The following GALNTL6 variants were observed in gnomAD, a reference collection of about 807,000 sequenced individuals.
GALNTL6 encodes the protein polypeptide N-acetylgalactosaminyltransferase like 6, also known as polypeptide N-acetylgalactosaminyltransferase-like 6.
A neutral mutation model predicts 73.7 loss-of-function variants in GALNTL6; 46 were observed. The ratio of observed to expected loss-of-function variants is 0.62; its 90% CI spans 0.49 to 0.80. The LOEUF is 0.80. Ranked by LOEUF, GALNTL6 falls within the 30% of genes least tolerant of loss-of-function variation. GALNTL6 has a pLI of 0.00. For missense variants in GALNTL6, 604 were observed against 755.0 expected (o/e 0.80, Z 2.34); for synonymous variants, 259 against 263.7 (o/e 0.98, Z 0.17).
chr4:172,061,533 C>T (rs1171718767), intron 2 of GALNTL6, among the ~76,000 whole-genome samples: 1 of 152,114 alleles, frequency 6.6e-6, no homozygotes, highest in Non-Finnish European at 1.5e-5. Context: ...CACAAGACAA[C>T]AATCTTGATA....
chr4:172,192,593 C>A (rs1426356957), intron 2 of GALNTL6, among the ~76,000 whole-genome samples: 2 of 152,068 alleles, frequency 1.3e-5, no homozygotes, highest in Non-Finnish European at 2.9e-5. Context: ...GGAGCTGCCA[C>A]CCCCAGCCAA....
chr4:172,722,039 C>G (rs28490202), intron 5 of GALNTL6, among the ~76,000 whole-genome samples: 6,872 of 151,184 alleles, frequency 0.045, 287 homozygotes, highest in African/African-American at 0.1. Flanking sequence ...CAGTCCTGCA[C>G]GAACAGAGTT....
intron 5 of GALNTL6, among the ~76,000 whole-genome samples, chr4:172,800,659 T>C (rs1188009296): frequency 6.6e-6 from 1 of 152,272 alleles, no homozygotes; most frequent in East Asian, 1.9e-4. Context: ...AAAGTTTAAA[T>C]TTAATAAAAG....
At chr4:172,977,613 CTG>C (rs1491523572) in intron 10 of GALNTL6, among the ~76,000 whole-genome samples, 23 of 152,108 alleles carry the variant, frequency 1.5e-4, no homozygotes, top group African/African-American at 2.9e-4. Flanking sequence ...ACTGCATACT[CTG>C]AGAGAGAGAG....
At chr4:172,788,996 A>G (rs970083781) in intron 5 of GALNTL6, among the ~76,000 whole-genome samples, 1 of 152,206 alleles carries the variant, frequency 6.6e-6, no homozygotes, top group African/African-American at 2.4e-5. Context: ...CTCACACCAC[A>G]ACAATCATCA....
intron 10 of GALNTL6, among the ~76,000 whole-genome samples, chr4:172,969,082 A>G (rs1049930997): frequency 2.6e-5 from 4 of 152,218 alleles, no homozygotes; most frequent in Non-Finnish European, 1.5e-5. Flanking sequence ...AACCATACAA[A>G]TCAGAATTAG....
At chr4:172,269,910 G>A (rs914851438) in intron 3 of GALNTL6, among the ~76,000 whole-genome samples, 1 of 151,756 alleles carries the variant, frequency 6.6e-6, no homozygotes. Flanking sequence ...TGCCACCATG[G>A]CCAGCTAATT....
chr4:171,873,107 A>T (rs984601227), intron 2 of GALNTL6, among the ~76,000 whole-genome samples: 2 of 152,212 alleles, frequency 1.3e-5, no homozygotes, highest in Non-Finnish European at 2.9e-5. Context: ...CAGCAAACAG[A>T]AAAATTTTTA....
chr4:171,837,115 G>A (rs959957701), intron 2 of GALNTL6, among the ~76,000 whole-genome samples: 2 of 152,124 alleles, frequency 1.3e-5, no homozygotes, highest in Admixed American at 1.3e-4. Context: ...TTGAAATTGT[G>A]AGCCAGCTGA....
chr4:171,828,394 C>T (rs992817552), intron 2 of GALNTL6, among the ~76,000 whole-genome samples: 3 of 152,046 alleles, frequency 2.0e-5, no homozygotes, highest in Admixed American at 2.0e-4. Context: ...CACCATGGGA[C>T]CCAAATTACC....
intron 5 of GALNTL6, among the ~76,000 whole-genome samples, chr4:172,483,641 G>C (rs771386917): frequency 6.6e-6 from 1 of 151,378 alleles, no homozygotes; most frequent in African/African-American, 2.5e-5. Context: ...AGAAGACTGT[G>C]AGTGTTTAAT....
At chr4:172,559,706 C>T (rs1736281842) in intron 5 of GALNTL6, among the ~76,000 whole-genome samples, 1 of 152,042 alleles carries the variant, frequency 6.6e-6, no homozygotes, top group Non-Finnish European at 1.5e-5. Flanking sequence ...GAGTCTGGTT[C>T]CTAGTCATTG....
intron 5 of GALNTL6, among the ~76,000 whole-genome samples, chr4:172,355,249 T>C (rs2111227969): frequency 6.6e-6 from 1 of 152,204 alleles, no homozygotes; most frequent in East Asian, 1.9e-4. Flanking sequence ...ATTTTAGGAT[T>C]CACATTTAAT....
chr4:172,212,117 G>T (rs1736342376), intron 2 of GALNTL6, among the ~76,000 whole-genome samples: 1 of 152,062 alleles, frequency 6.6e-6, no homozygotes, highest in Admixed American at 6.6e-5. Flanking sequence ...AATATGGTTA[G>T]ATTTCTTCAT....
chr4:172,291,115 G>A (rs17288825), intron 3 of GALNTL6, among the ~76,000 whole-genome samples: 62,549 of 151,852 alleles, frequency 0.41, 14,988 homozygotes, highest in South Asian at 0.62. Flanking sequence ...CTGTGACAGC[G>A]TGAAAACCAT....
chr4:171,995,036 GA>G (rs772197570), intron 2 of GALNTL6, among the ~76,000 whole-genome samples: 6 of 151,692 alleles, frequency 4.0e-5, no homozygotes, highest in Non-Finnish European at 5.9e-5. Flanking sequence ...AAAATGGAAA[GA>G]CTTAGAAACT....
chr4:173,032,216 G>A (rs1222975363), intron 12 of GALNTL6, among the ~76,000 whole-genome samples: 5 of 152,278 alleles, frequency 3.3e-5, no homozygotes, highest in Non-Finnish European at 7.4e-5. Context: ...TTGGGAGGCC[G>A]AGGCGGGTGG....
chr4:172,869,314 G>A (rs994484550), intron 7 of GALNTL6, among the ~76,000 whole-genome samples: 4 of 152,114 alleles, frequency 2.6e-5, no homozygotes, highest in Non-Finnish European at 5.9e-5. Context: ...AAACAGTAAG[G>A]AAACTGATAT....
chr4:172,704,693 C>T (rs11734921), intron 5 of GALNTL6, among the ~76,000 whole-genome samples: 58,123 of 151,758 alleles, frequency 0.38, 12,138 homozygotes, highest in African/African-American at 0.54. Flanking sequence ...GTTCTTTAAA[C>T]GTTGGTTAGG....
Sources: gnomAD v4.1 joint callset for allele counts (sites outside exome capture counted in the v4.1 genomes callset) on GRCh38, gnomAD v4.1.1 for gene constraint, MANE v1.5 for transcripts, NCBI Gene and HGNC (gene_info 2026-07-23, HGNC 2026-07-21) for gene names.